The following MTCL3 variants were observed in gnomAD, a reference collection of about 807,000 sequenced individuals.
MTCL3 encodes the protein microtubule cross-linking factor 3.
At chr6:127,502,623 T>C in the MTCL3 span, among the ~76,000 whole-genome samples, 1 of 152,108 alleles carries the variant, frequency 6.6e-6, no homozygotes, top group Non-Finnish European at 1.5e-5. Flanking sequence ...ACAGTTGGGG[T>C]CCTAGACAGC....
At chr6:127,517,212 G>A in the MTCL3 span, among the ~76,000 whole-genome samples, 1 of 152,158 alleles carries the variant, frequency 6.6e-6, no homozygotes, top group Non-Finnish European at 1.5e-5. Flanking sequence ...AGGGTTCCTA[G>A]AGAATATTTT....
At chr6:127,475,789 C>A in the MTCL3 span, 1 of 1,611,042 alleles carries the variant, frequency 6.2e-7, no homozygotes, top group Admixed American at 1.7e-5. The surrounding 1 kb of genome is among the most constrained non-coding windows in gnomAD (Gnocchi z 7.3). Flanking sequence ...GCGGGGGCTG[C>A]CGCGGATGCC....
chr6:127,517,876 G>A, the MTCL3 span: 12 of 152,162 alleles, frequency 7.9e-5, no homozygotes, highest in African/African-American at 1.2e-4. Context: ...GCACTGAAAG[G>A]GGCATGACTA....
At chr6:127,516,344 G>A in the MTCL3 span, 2 of 1,594,696 alleles carry the variant, frequency 1.3e-6, no homozygotes, top group East Asian at 2.3e-5. Flanking sequence ...CTGGCGGGCG[G>A]CCCCGTGCGG....
At chr6:127,490,635 G>A in the MTCL3 span, among the ~76,000 whole-genome samples, 28 of 151,870 alleles carry the variant, frequency 1.8e-4, no homozygotes, top group African/African-American at 6.5e-4. Flanking sequence ...TGGCCAACAC[G>A]GTGAAACTCC....
At chr6:127,483,114 G>C in the MTCL3 span, 1 of 673,642 alleles carries the variant, frequency 1.5e-6, no homozygotes, top group East Asian at 3.2e-5. Context: ...AATCATAAAA[G>C]GAGGAAAAAA....
chr6:127,518,627 T>C, the MTCL3 span: 1 of 152,402 alleles, frequency 6.6e-6, no homozygotes, highest in South Asian at 2.1e-4. Flanking sequence ...TCAACAGCAC[T>C]TTCCTTCTGA....
At chr6:127,496,817 G>GT in the MTCL3 span, among the ~76,000 whole-genome samples, 1 of 152,046 alleles carries the variant, frequency 6.6e-6, no homozygotes, top group South Asian at 2.1e-4. Flanking sequence ...GCCCAATGGG[G>GT]TATTATTTGG....
the MTCL3 span, chr6:127,475,990 T>A: frequency 6.2e-7 from 1 of 1,611,018 alleles, no homozygotes; most frequent in Non-Finnish European, 8.5e-7. The surrounding 1 kb of genome is among the most constrained non-coding windows in gnomAD (Gnocchi z 7.3). Context: ...GTACTTGTAC[T>A]TGTTGAGCTC....
the MTCL3 span, among the ~76,000 whole-genome samples, chr6:127,512,023 G>A: frequency 6.6e-6 from 1 of 152,292 alleles, no homozygotes. Flanking sequence ...CTCAATGGTA[G>A]TTTTCACAAG....
the MTCL3 span, chr6:127,516,389 G>T: frequency 6.2e-7 from 1 of 1,600,626 alleles, no homozygotes. Context: ...TGCTGCTGCT[G>T]CAGCTGCTGC....
the MTCL3 span, chr6:127,512,800 A>G: frequency 2.3e-5 from 29 of 1,278,920 alleles, no homozygotes; most frequent in South Asian, 5.1e-5. Flanking sequence ...GCAATCATAA[A>G]AGAAATTTTT....
At chr6:127,507,495 TGAATATTAAAGATCACTTCA>T in the MTCL3 span, among the ~76,000 whole-genome samples, 1 of 152,230 alleles carries the variant, frequency 6.6e-6, no homozygotes, top group African/African-American at 2.4e-5. Flanking sequence ...TACATGTGAC[TGAATATTAAAGATCACTTCA>T]GAGTACATGG....
At chr6:127,507,161 C>T in the MTCL3 span, among the ~76,000 whole-genome samples, 1 of 152,168 alleles carries the variant, frequency 6.6e-6, no homozygotes, top group Non-Finnish European at 1.5e-5. Context: ...AAGCCCATTA[C>T]GTTGCATACA....
At chr6:127,506,747 A>AT in the MTCL3 span, among the ~76,000 whole-genome samples, 901 of 151,846 alleles carry the variant, frequency 5.9e-3, 5 homozygotes, top group African/African-American at 0.021. Context: ...CGCCCGGCTA[A>AT]TTTTTTGTAT....
the MTCL3 span, chr6:127,514,815 C>T: frequency 6.2e-7 from 1 of 1,606,324 alleles, no homozygotes. Context: ...AGCCCCCGCG[C>T]CGCAGACCTT....
At chr6:127,518,877 C>G in the MTCL3 span, 1 of 152,372 alleles carries the variant, frequency 6.6e-6, no homozygotes, top group South Asian at 2.1e-4. Context: ...GGCTAACACG[C>G]GAGGTACCAA....
the MTCL3 span, among the ~76,000 whole-genome samples, chr6:127,497,903 A>G: frequency 4.7e-3 from 717 of 152,346 alleles, 5 homozygotes; most frequent in African/African-American, 0.016. Flanking sequence ...ATGCAAAAAG[A>G]TGAATTTAGA....
the MTCL3 span, among the ~76,000 whole-genome samples, chr6:127,482,099 A>G: frequency 6.6e-6 from 1 of 152,204 alleles, no homozygotes; most frequent in Non-Finnish European, 1.5e-5. The surrounding 1 kb of genome is among the most constrained non-coding windows in gnomAD (Gnocchi z 4.1). Flanking sequence ...TAAAATGGGT[A>G]ACCAGCAGCC....
Sources: allele counts gnomAD v4.1 joint callset (sites outside exome capture counted in the v4.1 genomes callset), GRCh38; gene constraint gnomAD v4.1.1; non-coding constraint Gnocchi (gnomAD v3.1); transcripts MANE v1.5; gene names NCBI Gene and HGNC (gene_info 2026-07-23, HGNC 2026-07-21).